The following CATSPERD variants were observed in gnomAD, a reference collection of about 807,000 sequenced individuals.
CATSPERD encodes the protein cation channel sperm-associated auxiliary subunit delta.
CATSPERD carries 86 observed loss-of-function variants against 98.1 expected under a neutral mutation model. The observed-to-expected ratio is 0.88, with a 90% CI of 0.74 to 1.05. CATSPERD has a LOEUF of 1.05. CATSPERD is among the 50% of genes least tolerant of loss of function. CATSPERD has a pLI of 0.00. For synonymous variants in CATSPERD, 394 were observed against 390.2 expected (o/e 1.01, Z -0.12); for missense variants, 995 against 1,005.7 (o/e 0.99, Z 0.14).
intron 16 of CATSPERD, among the ~76,000 whole-genome samples, chr19:5,764,346 C>T (rs2056499607): frequency 6.6e-6 from 1 of 151,580 alleles, no homozygotes. Flanking sequence ...GACGGAGTCT[C>T]ACTCTGTCGC....
intron 17 of CATSPERD, among the ~76,000 whole-genome samples, chr19:5,766,702 T>C (rs2145843895): frequency 6.6e-6 from 1 of 151,998 alleles, no homozygotes; most frequent in Admixed American, 6.6e-5. Flanking sequence ...TCCACATTTT[T>C]TTTTTTTTGA....
At chr19:5,753,745 C>T (rs536511261) in intron 12 of CATSPERD, 16 of 256,352 alleles carry the variant, frequency 6.2e-5, no homozygotes, top group South Asian at 4.9e-4. Flanking sequence ...TGGTGGTGCA[C>T]GCCTGTAGTC....
chr19:5,720,947 G>C (rs992434440), intron 1 of CATSPERD, 139 bp downstream of exon 1: 5 of 642,630 alleles, frequency 7.8e-6, no homozygotes, highest in Admixed American at 3.0e-5. Context: ...TTGACGCCTC[G>C]CTCACCCTAC....
intron 1 of CATSPERD, among the ~76,000 whole-genome samples, chr19:5,722,837 C>T (rs1188964526): frequency 2.6e-5 from 4 of 151,986 alleles, no homozygotes; most frequent in African/African-American, 9.7e-5. Flanking sequence ...TAAGGAGCCC[C>T]GAATACCTTG....
intron 12 of CATSPERD, among the ~76,000 whole-genome samples, chr19:5,752,899 A>G (rs1214384984): frequency 6.6e-6 from 1 of 151,808 alleles, no homozygotes; most frequent in Non-Finnish European, 1.5e-5. Context: ...GTGCTGGCAC[A>G]TGCTTGTAAT....
At chr19:5,722,547 G>A (rs1046979832) in intron 1 of CATSPERD, among the ~76,000 whole-genome samples, 1 of 152,210 alleles carries the variant, frequency 6.6e-6, no homozygotes, top group Non-Finnish European at 1.5e-5. Context: ...TTTGTCTCGA[G>A]TTCTGAAAAT....
Position 5,720,684 on chromosome 19 carries a change from C to T in CATSPERD, c.-54C>T. ...TCAGCCTGCACGTACTCGGATTGTGCAGCGACTCCCCGTGGCGGTTGAGGG... is the reference window on the plus strand; with the variant it reads ...TCAGCCTGCACGTACTCGGATTGTGTAGCGACTCCCCGTGGCGGTTGAGGG... On this transcript the variant is annotated 5_prime_UTR_variant, in exon 1 of 22. Coordinates refer to ENST00000381624, the MANE Select transcript of CATSPERD (RefSeq NM_152784.4). 2 of 1,549,842 alleles carry T rather than the reference C, an allele frequency of 1.3e-6. No homozygotes were observed. The highest frequency in any genetic ancestry group is 2.3e-5 in the South Asian group (2 of 88,296).
rs2055437189 is a variant in CATSPERD at position 5,720,665 on chromosome 19, T to C, written c.-73T>C. 1 of 1,458,480 alleles carries C rather than the reference T, an allele frequency of 6.9e-7. No individual in the cohort carries two copies. Among genetic ancestry groups the C allele is most frequent in the Non-Finnish European group, 9.4e-7 (1 of 1,062,076 alleles). 90.3% of individuals were successfully genotyped at this position (1,458,480 alleles called of 1,614,324 possible). On this transcript the variant is annotated 5_prime_UTR_variant, in exon 1 of 22. Transcript: ENST00000381624. ...GATGCGCATGCGCAGGGCTTCAGCCTGCACGTACTCGGATTGTGCAGCGAC... is the reference window on the plus strand; with the variant it reads ...GATGCGCATGCGCAGGGCTTCAGCCCGCACGTACTCGGATTGTGCAGCGAC...
intron 15 of CATSPERD, among the ~76,000 whole-genome samples, chr19:5,762,058 A>ATATATATATATATGTATTATTTTTTTT: frequency 9.6e-5 from 1 of 10,440 alleles, no homozygotes; most frequent in African/African-American, 3.3e-4. Context: ...ATATATATAT[A>ATATATATATATATGTATTATTTTTTTT]TTTTTTTTTT....
chr19:5,750,265 G>A lies in CATSPERD; in HGVS notation c.987+1082G>A, dbSNP rs1010520413. On this transcript the variant is annotated intron_variant, in intron 11 of 21. Coordinates refer to ENST00000381624, the MANE Select transcript of CATSPERD (RefSeq NM_152784.4). ...AGATCGTGACCATCCTGGCTAACACGGTGAAACCCCGTCTCTACTAAAAAA... is the reference window on the plus strand; with the variant it reads ...AGATCGTGACCATCCTGGCTAACACAGTGAAACCCCGTCTCTACTAAAAAA... 2.7e-4 allele frequency among the ~76,000 whole-genome samples: 40 copies of A among 148,368 alleles called. No homozygotes were observed. The East Asian group carries it at 3.9e-3, about 14-fold the overall frequency.
At chr19:5,747,169 CTTTTTTTT>C (rs748726369) in intron 9 of CATSPERD, among the ~76,000 whole-genome samples, 157 of 105,768 alleles carry the variant, frequency 1.5e-3, no homozygotes, top group Non-Finnish European at 2.1e-3. Context: ...AATGGTTTCC[CTTTTTTTT>C]TTTTTTTTTT....
chr19:5,736,982 G>A lies in CATSPERD; in HGVS notation c.392-156G>A, dbSNP rs557280230. ...TGAGGCAGGAGAATGGCATGAACCC[G>A]GGAGGTGGAGCTTGCAGTGAGCCAG... On this transcript the variant is annotated intron_variant, in intron 5 of 21. Transcript: ENST00000381624. Among the ~76,000 whole-genome samples, 44 of 152,136 alleles carry A rather than the reference G, an allele frequency of 2.9e-4. No homozygotes were observed. The South Asian group carries it at 6.9e-3, about 24-fold the overall frequency.
chr19:5,766,183 G>T (rs1385436517), intron 17 of CATSPERD, 28 bp downstream of exon 17: 1 of 1,601,560 alleles, frequency 6.2e-7, no homozygotes, highest in Non-Finnish European at 8.5e-7. Context: ...GGGCACCATG[G>T]CTCATTCCTG....
chr19:5,758,742 TA>T (rs1032263861), intron 14 of CATSPERD, among the ~76,000 whole-genome samples: 12 of 133,254 alleles, frequency 9.0e-5, no homozygotes, highest in South Asian at 2.4e-4. Context: ...GACTCAGTCT[TA>T]AAAAAAAAAG....
chr19:5,765,746 A>G (rs915483624), intron 16 of CATSPERD, among the ~76,000 whole-genome samples: 1 of 152,034 alleles, frequency 6.6e-6, no homozygotes, highest in Admixed American at 6.6e-5. Context: ...CAGGGGGAGG[A>G]TGTTGCAGTG....
intron 5 of CATSPERD, among the ~76,000 whole-genome samples, chr19:5,734,502 G>A (rs913952785): frequency 3.3e-5 from 5 of 152,208 alleles, no homozygotes; most frequent in African/African-American, 9.6e-5. Flanking sequence ...GCTGGGCGTG[G>A]TGGTGCATGC....
intron 18 of CATSPERD, among the ~76,000 whole-genome samples, chr19:5,770,236 C>A (rs1400136490): frequency 6.8e-6 from 1 of 147,970 alleles, no homozygotes; most frequent in Non-Finnish European, 1.5e-5. Flanking sequence ...AAGACCAGCC[C>A]AGCCAACATG....
chr19:5,724,393 C>T (rs1000672036), intron 1 of CATSPERD, among the ~76,000 whole-genome samples: 1 of 151,746 alleles, frequency 6.6e-6, no homozygotes, highest in Admixed American at 6.6e-5. Context: ...TCCTATAACC[C>T]GAAAAGCATC....
intron 17 of CATSPERD, among the ~76,000 whole-genome samples, chr19:5,767,149 C>T (rs1484415309): frequency 6.6e-6 from 1 of 150,822 alleles, no homozygotes; most frequent in Non-Finnish European, 1.5e-5. Context: ...AACCCCGTCT[C>T]TACTAAAAAT....
Sources: allele counts gnomAD v4.1 joint callset (sites outside exome capture counted in the v4.1 genomes callset), GRCh38; gene constraint gnomAD v4.1.1; transcripts MANE v1.5; gene names NCBI Gene and HGNC (gene_info 2026-07-23, HGNC 2026-07-21).